Variants in RBFOX1 observed in about 807,000 individuals in gnomAD.
RBFOX1 encodes the protein RNA binding protein fox-1 homolog 1.
RBFOX1 carries 8 observed loss-of-function variants against 57.7 expected under a neutral mutation model. The observed-to-expected ratio is 0.14, with a 90% CI of 0.08 to 0.25. The LOEUF is 0.25. Ranked by LOEUF, RBFOX1 falls within the 10% of genes least tolerant of loss-of-function variation. The pLI, the probability that RBFOX1 is intolerant of heterozygous loss-of-function variation, is 1.00. For synonymous variants in RBFOX1, 326 were observed against 222.4 expected (o/e 1.47, Z -4.15); for missense variants, 611 against 548.5 (o/e 1.11, Z -1.14).
intron 2 of RBFOX1, among the ~76,000 whole-genome samples, chr16:6,563,922 A>T (rs539427930): frequency 1.3e-5 from 2 of 151,928 alleles, no homozygotes; most frequent in East Asian, 3.9e-4. Flanking sequence ...GTGTGTATAT[A>T]TATATATCCC....
intron 4 of RBFOX1, among the ~76,000 whole-genome samples, chr16:7,141,863 C>T (rs1265041080): frequency 1.3e-5 from 2 of 152,130 alleles, no homozygotes; most frequent in African/African-American, 4.8e-5. Flanking sequence ...TTCTTCTCAC[C>T]TATTCTCTGC....
rs74004354 is a variant in RBFOX1 at position 5,512,754 on chromosome 16, A to G, written c.258+45500A>G. Among the ~76,000 whole-genome samples, 851 of 152,336 alleles carry G rather than the reference A, an allele frequency of 5.6e-3. 5 individuals are homozygous for G. Among genetic ancestry groups the G allele is most frequent in the African/African-American group, 0.018 (748 of 41,582 alleles). On this transcript the variant is annotated intron_variant, in intron 2 of 2. Coordinates refer to the RBFOX1 transcript ENST00000585867. ...TTGTGACACGTTCGTCATAACTAAC[A>G]GACCCGTATTGATGCATTGTTATTA...
chr16:5,558,011 T>G (rs996665594), intron 2 of RBFOX1, among the ~76,000 whole-genome samples: 2 of 152,142 alleles, frequency 1.3e-5, no homozygotes, highest in Non-Finnish European at 2.9e-5. Flanking sequence ...GACTCGCCAC[T>G]GGGCGGCCCA....
chr16:5,303,862 C>T (rs1213634610), intron 1 of RBFOX1, among the ~76,000 whole-genome samples: 1 of 152,096 alleles, frequency 6.6e-6, no homozygotes, highest in Non-Finnish European at 1.5e-5. Flanking sequence ...CTAGGCTCAG[C>T]ATCTAAATAA....
intron 4 of RBFOX1, among the ~76,000 whole-genome samples, chr16:5,943,721 A>G (rs1458762683): frequency 6.6e-6 from 1 of 152,234 alleles, no homozygotes; most frequent in African/African-American, 2.4e-5. Flanking sequence ...ATGTATCAAC[A>G]GTTTGCCAAG....
intron 1 of RBFOX1, among the ~76,000 whole-genome samples, chr16:6,146,310 C>G (rs1223113410): frequency 6.6e-6 from 1 of 152,160 alleles, no homozygotes; most frequent in East Asian, 1.9e-4. Flanking sequence ...TTATTTGAGT[C>G]TTTCCATTTT....
intron 1 of RBFOX1, among the ~76,000 whole-genome samples, chr16:6,094,402 C>G: frequency 6.6e-6 from 1 of 152,182 alleles, no homozygotes; most frequent in East Asian, 1.9e-4. Flanking sequence ...GGAACAGTTT[C>G]TATGTAAAAC....
chr16:7,374,018 A>C (rs1439013862), intron 4 of RBFOX1, among the ~76,000 whole-genome samples: 1 of 152,186 alleles, frequency 6.6e-6, no homozygotes, highest in African/African-American at 2.4e-5. Flanking sequence ...ATGAGCCATA[A>C]AACTTGAAAG....
chr16:6,387,538 A>G (rs2092362943), intron 2 of RBFOX1, among the ~76,000 whole-genome samples: 1 of 152,138 alleles, frequency 6.6e-6, no homozygotes, highest in Non-Finnish European at 1.5e-5. Context: ...GTCAACTTAA[A>G]TTCAAGATAT....
At chr16:6,165,716 T>G (rs2096912188) in intron 1 of RBFOX1, among the ~76,000 whole-genome samples, 1 of 152,220 alleles carries the variant, frequency 6.6e-6, no homozygotes, top group African/African-American at 2.4e-5. Context: ...AATGAAATGT[T>G]TTATGGCTAC....
At chr16:5,267,863 C>G (rs760781033) in intron 1 of RBFOX1, among the ~76,000 whole-genome samples, 2 of 152,102 alleles carry the variant, frequency 1.3e-5, no homozygotes, top group East Asian at 3.9e-4. Context: ...AGGTGGATCA[C>G]TTGAGGTCAG....
intron 4 of RBFOX1, among the ~76,000 whole-genome samples, chr16:7,155,950 T>C (rs949440746): frequency 6.6e-6 from 1 of 151,702 alleles, no homozygotes; most frequent in African/African-American, 2.4e-5. Context: ...CTGATCTATT[T>C]TTCCAGGAGC....
rs1382388822 is a variant in RBFOX1 at position 7,532,674 on chromosome 16, CTG to C, written c.270+14287_270+14288del. Among the ~76,000 whole-genome samples the C allele has an allele frequency of 1.2e-4, 18 of 152,326 alleles. No homozygotes were observed. In the South Asian group the frequency reaches 3.3e-3, roughly 28 times the overall value. On this transcript the variant is annotated intron_variant, in intron 5 of 15. Transcript: ENST00000550418. ...AGTAGCAAGGCTAGGAGTTGGCAAACTGTAGCTCGTGGGCCGATTCCTGCCTG... is the reference window on the plus strand; with the variant it reads ...AGTAGCAAGGCTAGGAGTTGGCAAACTAGCTCGTGGGCCGATTCCTGCCTG...
chr16:6,273,598 G>A (rs557112164), intron 1 of RBFOX1, among the ~76,000 whole-genome samples: 19 of 151,870 alleles, frequency 1.3e-4, no homozygotes, highest in Non-Finnish European at 2.4e-4. Context: ...CGCCCGCCTC[G>A]GCCCCCCAAA....
chr16:7,188,223 C>G (rs938844718), intron 4 of RBFOX1, among the ~76,000 whole-genome samples: 1 of 152,174 alleles, frequency 6.6e-6, no homozygotes, highest in African/African-American at 2.4e-5. Context: ...TGTGTGCATT[C>G]TGCATAGGCT....
intron 3 of RBFOX1, among the ~76,000 whole-genome samples, chr16:5,767,828 C>G (rs145100451): frequency 1.9e-3 from 282 of 152,208 alleles, no homozygotes; most frequent in Admixed American, 7.9e-3. Context: ...CTTTGGCCAC[C>G]TCCTCCCCCT....
At chr16:6,455,688 G>C (rs1021693386) in intron 2 of RBFOX1, among the ~76,000 whole-genome samples, 4 of 152,154 alleles carry the variant, frequency 2.6e-5, no homozygotes, top group Non-Finnish European at 5.9e-5. Flanking sequence ...TTAATCAAGT[G>C]TTAATGGTCT....
intron 3 of RBFOX1, among the ~76,000 whole-genome samples, chr16:6,703,212 G>T (rs1288083571): frequency 6.6e-6 from 1 of 152,120 alleles, no homozygotes; most frequent in Non-Finnish European, 1.5e-5. Context: ...GTTGGCTACT[G>T]TAAATAATGC....
At chr16:5,312,891 G>C (rs1161440089) in intron 1 of RBFOX1, among the ~76,000 whole-genome samples, 1 of 152,222 alleles carries the variant, frequency 6.6e-6, no homozygotes, top group South Asian at 2.1e-4. Flanking sequence ...TGCAGGATCT[G>C]ATTTGCAGTC....
Sources: gnomAD v4.1 joint callset for allele counts (sites outside exome capture counted in the v4.1 genomes callset) on GRCh38, gnomAD v4.1.1 for gene constraint, MANE v1.5 for transcripts, NCBI Gene and HGNC (gene_info 2026-07-23, HGNC 2026-07-21) for gene names.